LARP4B: variants seen among roughly 807,000 people sequenced by gnomAD.
The protein encoded by LARP4B is la-related protein 4B.
LARP4B carries 12 observed loss-of-function variants against 89.8 expected under a neutral mutation model. The observed-to-expected ratio is 0.13, with a 90% CI of 0.09 to 0.22. The LOEUF (loss-of-function observed/expected upper bound fraction) is 0.22. LARP4B is among the 10% of genes least tolerant of loss of function. The pLI is 1.00. For missense variants in LARP4B, 757 were observed against 947.7 expected (o/e 0.80, Z 2.64); for synonymous variants, 367 against 363.3 (o/e 1.01, Z -0.12).
the LARP4B span, among the ~76,000 whole-genome samples, chr10:983,816 A>T: frequency 6.6e-6 from 1 of 152,178 alleles, no homozygotes; most frequent in Admixed American, 6.5e-5. Flanking sequence ...TGATGCTGAG[A>T]TTTGGAGACT....
At chr10:863,915 G>T in intron 4 of LARP4B, 32 bp from the exon 5 acceptor site, 1 of 1,594,678 alleles carries the variant, frequency 6.3e-7, no homozygotes, top group Non-Finnish European at 8.5e-7. Context: ...AAAAAGGCAG[G>T]GTTAGAAGCA....
chr10:944,490 A>G, the LARP4B span, among the ~76,000 whole-genome samples: 1 of 152,128 alleles, frequency 6.6e-6, no homozygotes, highest in African/African-American at 2.4e-5. Flanking sequence ...CTGCTTCCCC[A>G]TCTGCATGGG....
At chr10:905,061 C>T (rs1411046136) in intron 1 of LARP4B, among the ~76,000 whole-genome samples, 4 of 152,156 alleles carry the variant, frequency 2.6e-5, no homozygotes, top group Non-Finnish European at 5.9e-5. Context: ...GACTCGGATC[C>T]CATCCCCAAG....
At chr10:859,226 C>G (rs1290314062) in intron 5 of LARP4B, among the ~76,000 whole-genome samples, 1 of 150,250 alleles carries the variant, frequency 6.7e-6, no homozygotes, top group Non-Finnish European at 1.5e-5. Flanking sequence ...TTGTAGTGAG[C>G]TGAGATTGCT....
At chr10:877,576 G>A (rs1257053461) in intron 3 of LARP4B, among the ~76,000 whole-genome samples, 1 of 152,152 alleles carries the variant, frequency 6.6e-6, no homozygotes. Flanking sequence ...CAGTAATCTT[G>A]GGGATAAATT....
rs75532345 is a variant in LARP4B at position 904,823 on chromosome 10, G to A, written c.-39-19063C>T. 5.0e-3 allele frequency among the ~76,000 whole-genome samples: 766 copies of A among 152,222 alleles called. 6 individuals carry two copies. The highest frequency in any genetic ancestry group is 0.017 in the African/African-American group (699 of 41,522). Reference sequence around the variant, plus strand: ...TTTACTGCTGAGTACTCCCATGCGAGCAAGGGTAAGAAGATGACTGCCACT... The same window carrying A: ...TTTACTGCTGAGTACTCCCATGCGAACAAGGGTAAGAAGATGACTGCCACT... On this transcript the variant is annotated intron_variant, in intron 1 of 17. Coordinates refer to ENST00000316157, the MANE Select transcript of LARP4B (RefSeq NM_015155.3).
the LARP4B span, among the ~76,000 whole-genome samples, chr10:969,703 G>A: frequency 5.3e-5 from 8 of 152,040 alleles, no homozygotes; most frequent in Non-Finnish European, 7.4e-5. Context: ...CACTCCAGCC[G>A]GAACAGCACA....
chr10:861,618 A>G (rs1297140136), intron 5 of LARP4B, among the ~76,000 whole-genome samples: 3 of 152,204 alleles, frequency 2.0e-5, no homozygotes, highest in African/African-American at 4.8e-5. Context: ...CCTATCTTCT[A>G]TCTTCAGATA....
At chr10:955,322 G>A in the LARP4B span, among the ~76,000 whole-genome samples, 1 of 152,338 alleles carries the variant, frequency 6.6e-6, no homozygotes, top group South Asian at 2.1e-4. This position sits in a 1 kb window ranked among gnomAD's most constrained non-coding sequence, Gnocchi z 5.2. Flanking sequence ...CCCGTGGGGG[G>A]CCCACACCAC....
chr10:871,064 T>C (rs1163900917), intron 3 of LARP4B, among the ~76,000 whole-genome samples: 1 of 152,240 alleles, frequency 6.6e-6, no homozygotes, highest in Non-Finnish European at 1.5e-5. Flanking sequence ...TTCCCACTCA[T>C]AGGTTGTTTT....
At chr10:925,932 T>C (rs1234940615) in intron 1 of LARP4B, among the ~76,000 whole-genome samples, 1 of 152,262 alleles carries the variant, frequency 6.6e-6, no homozygotes, top group East Asian at 1.9e-4. Flanking sequence ...TAAATGTAGC[T>C]ATGAAAAGTC....
intron 3 of LARP4B, among the ~76,000 whole-genome samples, chr10:867,810 G>C (rs181137899): frequency 4.0e-4 from 56 of 141,172 alleles, no homozygotes; most frequent in Admixed American, 3.5e-3. Context: ...GCAGTGAGCT[G>C]AGATAGTACC....
the LARP4B span, among the ~76,000 whole-genome samples, chr10:982,596 A>G: frequency 2.6e-5 from 4 of 152,244 alleles, no homozygotes; most frequent in Non-Finnish European, 5.9e-5. Flanking sequence ...TTACATATAT[A>G]CTTCTAAAAT....
intron 3 of LARP4B, among the ~76,000 whole-genome samples, chr10:866,575 T>C (rs1419493422): frequency 1.3e-5 from 2 of 152,220 alleles, no homozygotes; most frequent in African/African-American, 4.8e-5. Flanking sequence ...TGTAAATTCA[T>C]TTCTCTATTC....
intron 1 of LARP4B, among the ~76,000 whole-genome samples, chr10:923,297 C>G (rs1837038250): frequency 6.6e-6 from 1 of 152,122 alleles, no homozygotes; most frequent in Non-Finnish European, 1.5e-5. Context: ...CTTTTAAAGT[C>G]AGGACTGAAT....
At chr10:952,467 A>G in the LARP4B span, among the ~76,000 whole-genome samples, 1 of 144,544 alleles carries the variant, frequency 6.9e-6, no homozygotes, top group Non-Finnish European at 1.5e-5. Flanking sequence ...AACCTTTAAA[A>G]GGAAGAAATC....
intron 12 of LARP4B, 27 bp from the exon 13 acceptor site, chr10:825,343 TGA>T (rs1302202747): frequency 2.5e-6 from 4 of 1,608,706 alleles, no homozygotes; most frequent in African/African-American, 2.7e-5. Flanking sequence ...TTTTATGTGT[TGA>T]GTTATAAAAT....
intron 5 of LARP4B, among the ~76,000 whole-genome samples, chr10:863,228 T>TTC (rs1178362618): frequency 6.9e-6 from 1 of 145,676 alleles, no homozygotes; most frequent in Non-Finnish European, 1.5e-5. Context: ...TAGGTTTCAT[T>TTC]TTTTTTTTTT....
At chr10:941,622 G>A in the LARP4B span, among the ~76,000 whole-genome samples, 1 of 152,206 alleles carries the variant, frequency 6.6e-6, no homozygotes, top group African/African-American at 2.4e-5. Context: ...CACCCGGCCT[G>A]ATCTTGCTTT....
Sources: allele counts gnomAD v4.1 joint callset (sites outside exome capture counted in the v4.1 genomes callset), GRCh38; gene constraint gnomAD v4.1.1; non-coding constraint Gnocchi (gnomAD v3.1); transcripts MANE v1.5; gene names NCBI Gene and HGNC (gene_info 2026-07-23, HGNC 2026-07-21).